The following DNM3 variants were observed in gnomAD, a reference collection of about 807,000 sequenced individuals.
DNM3 encodes dynamin-3.
Under a neutral mutation model 101.6 loss-of-function variants are expected in DNM3, and 47 were observed. That is an observed-to-expected ratio of 0.46 (90% confidence interval 0.37 to 0.59). DNM3 has a LOEUF of 0.59. Ranked by LOEUF, DNM3 falls within the 20% of genes least tolerant of loss-of-function variation. DNM3 has a pLI of 0.00. For missense variants in DNM3, 849 were observed against 1,085.7 expected, an observed-to-expected ratio of 0.78 and a Z score of 3.06; for synonymous variants, 385 against 387.9, an observed-to-expected ratio of 0.99 and a Z score of 0.09.
At position 172,364,724 on chromosome 1, in the gene DNM3, A is replaced by G. The variant is rs372086933; in HGVS notation, c.1894-14294A>G. ...GGTGGGTAGTGACTGGATCATGGGG[A>G]TGGATTTCTCATGAATGTTTCAGCA... On this transcript the variant is annotated intron_variant, in intron 17 of 20. Transcript: ENST00000627582. Among the ~76,000 whole-genome samples the G allele has an allele frequency of 1.1e-3, 170 of 151,860 alleles. 3 individuals carry two copies. The South Asian group carries it at 0.034, about 31-fold the overall frequency.
chr1:172,063,994 C>T (rs2051455915), intron 10 of DNM3, among the ~76,000 whole-genome samples: 1 of 152,040 alleles, frequency 6.6e-6, no homozygotes, highest in Non-Finnish European at 1.5e-5. Flanking sequence ...GACTATTTAT[C>T]TGTATAGGCA....
intron 13 of DNM3, among the ~76,000 whole-genome samples, chr1:172,097,640 G>A (rs1318952815): frequency 6.6e-6 from 1 of 152,188 alleles, no homozygotes; most frequent in Non-Finnish European, 1.5e-5. Flanking sequence ...AACTGGAACT[G>A]AATGGGGAAC....
At chr1:172,112,813 A>G (rs2055581587) in intron 13 of DNM3, among the ~76,000 whole-genome samples, 1 of 152,226 alleles carries the variant, frequency 6.6e-6, no homozygotes, top group Admixed American at 6.5e-5. Flanking sequence ...GAGGAAGAGC[A>G]GTGTGAATCT....
intron 14 of DNM3, among the ~76,000 whole-genome samples, chr1:172,185,276 T>C (rs1477894124): frequency 2.6e-5 from 4 of 152,120 alleles, no homozygotes; most frequent in African/African-American, 7.2e-5. Context: ...ATTTAGACTG[T>C]TTACTTTAGG....
intron 13 of DNM3, among the ~76,000 whole-genome samples, chr1:172,097,029 G>C (rs1373307787): frequency 6.6e-6 from 1 of 152,088 alleles, no homozygotes; most frequent in African/African-American, 2.4e-5. Context: ...ATCCTCCTAG[G>C]CTTATGGCTA....
intron 17 of DNM3, among the ~76,000 whole-genome samples, chr1:172,356,093 CTAGT>C (rs2148996024): frequency 6.6e-6 from 1 of 152,096 alleles, no homozygotes; most frequent in African/African-American, 2.4e-5. Flanking sequence ...AGCTGAATAC[CTAGT>C]TAAAGGATTA....
intron 17 of DNM3, among the ~76,000 whole-genome samples, chr1:172,364,165 G>T (rs1044142493): frequency 6.6e-6 from 1 of 151,880 alleles, no homozygotes; most frequent in Non-Finnish European, 1.5e-5. Flanking sequence ...GAAACCTAGT[G>T]CATGTCTCAT....
chr1:171,874,624 C>T (rs2035588416), intron 1 of DNM3, among the ~76,000 whole-genome samples: 1 of 152,108 alleles, frequency 6.6e-6, no homozygotes, highest in Admixed American at 6.5e-5. Flanking sequence ...GATTAGTAGC[C>T]TTGCTACTCT....
intron 12 of DNM3, among the ~76,000 whole-genome samples, chr1:172,084,870 C>A (rs972005730): frequency 6.6e-6 from 1 of 151,966 alleles, no homozygotes; most frequent in Non-Finnish European, 1.5e-5. Flanking sequence ...TAATTTTTTT[C>A]AACTTGGATG....
intron 17 of DNM3, among the ~76,000 whole-genome samples, chr1:172,334,045 G>A (rs1006167644): frequency 6.6e-6 from 1 of 152,102 alleles, no homozygotes; most frequent in Non-Finnish European, 1.5e-5. Context: ...AGATCAAAGA[G>A]CAAAATAGAG....
chr1:172,061,695 T>A, intron 10 of DNM3, among the ~76,000 whole-genome samples: 1 of 93,388 alleles, frequency 1.1e-5, no homozygotes, highest in African/African-American at 4.1e-5. Context: ...CTGGGGACTG[T>A]GGTGGGGTGG....
intron 13 of DNM3, among the ~76,000 whole-genome samples, chr1:172,116,240 T>C (rs1007956081): frequency 2.6e-5 from 4 of 152,206 alleles, no homozygotes; most frequent in Non-Finnish European, 4.4e-5. Flanking sequence ...TGTTCTTGTA[T>C]TGTGCTGCCT....
intron 18 of DNM3, among the ~76,000 whole-genome samples, chr1:172,380,257 T>C (rs2068825051): frequency 6.6e-6 from 1 of 152,086 alleles, no homozygotes. Flanking sequence ...ATGAAAGTAC[T>C]GTGAAAAATA....
chr1:172,325,036 C>A lies in DNM3; in HGVS notation c.1893+1696C>A, dbSNP rs12088101. Among the ~76,000 whole-genome samples, 202 of 152,132 alleles carry A rather than the reference C, an allele frequency of 1.3e-3. 1 individual carries two copies. Among genetic ancestry groups the A allele is most frequent in the Non-Finnish European group, 2.1e-3 (142 of 67,986 alleles). Reference sequence around the variant, plus strand: ...AAGAACATTTGTAAAATTCACTCCCCACACACACACCAAGAAGAAACCCAC... The same window carrying A: ...AAGAACATTTGTAAAATTCACTCCCAACACACACACCAAGAAGAAACCCAC... On this transcript the variant is annotated intron_variant, in intron 17 of 20. Transcript: ENST00000627582.
chr1:172,304,533 C>T (rs1426515305), intron 15 of DNM3, among the ~76,000 whole-genome samples: 9 of 152,106 alleles, frequency 5.9e-5, no homozygotes, highest in African/African-American at 2.2e-4. Context: ...CCAAGAAGAC[C>T]TAATAGACAT....
At chr1:171,999,447 A>G (rs1006082774) in intron 4 of DNM3, among the ~76,000 whole-genome samples, 5 of 152,162 alleles carry the variant, frequency 3.3e-5, no homozygotes, top group Non-Finnish European at 5.9e-5. Context: ...TTGGATATGT[A>G]AAATCTGAGA....
intron 16 of DNM3, among the ~76,000 whole-genome samples, chr1:172,311,919 T>C (rs2148881997): frequency 6.6e-6 from 1 of 152,374 alleles, no homozygotes; most frequent in East Asian, 1.9e-4. Context: ...CAGTGTGCGA[T>C]GATATTGCCT....
At chr1:172,230,433 T>G (rs479336) in intron 14 of DNM3, among the ~76,000 whole-genome samples, 55,083 of 151,976 alleles carry the variant, frequency 0.36, 11,908 homozygotes, top group African/African-American at 0.61. Context: ...TTTGCATATT[T>G]TTGTAGGGGA....
chr1:172,320,925 A>C lies in DNM3; in HGVS notation c.1882-2404A>C, dbSNP rs150619761. Among the ~76,000 whole-genome samples the C allele has an allele frequency of 2.8e-3, 421 of 152,330 alleles. 1 individual carries two copies. Among genetic ancestry groups the C allele is most frequent in the African/African-American group, 9.5e-3 (395 of 41,580 alleles). ...GCATATTTACTAAGTCTGACACCTC[A>C]GAGTTTTTAAAGAGGTTTTATTAGC... On this transcript the variant is annotated intron_variant, in intron 16 of 20. Coordinates refer to ENST00000627582, the MANE Select transcript of DNM3 (RefSeq NM_015569.5).
Sources: gnomAD v4.1 joint callset for allele counts (sites outside exome capture counted in the v4.1 genomes callset) on GRCh38, gnomAD v4.1.1 for gene constraint, MANE v1.5 for transcripts, NCBI Gene and HGNC (gene_info 2026-07-23, HGNC 2026-07-21) for gene names.